Variants in ENOSF1 observed in about 807,000 individuals in gnomAD.
ENOSF1 encodes mitochondrial enolase superfamily member 1.
In ENOSF1, 73 loss-of-function variants were observed where a neutral mutation model predicts 68.2. The ratio of observed to expected loss-of-function variants is 1.07; its 90% CI spans 0.89 to 1.30. The LOEUF is 1.30. Ranked by LOEUF, ENOSF1 falls within the 50% of genes most tolerant of loss-of-function variation. The probability of loss-of-function intolerance (pLI) is 0.00; values close to 1 mark genes in which losing one functional copy is unlikely to be tolerated. For missense variants in ENOSF1, 589 were observed against 554.5 expected (o/e 1.06, Z -0.62); for synonymous variants, 223 against 210.4 (o/e 1.06, Z -0.52).
chr18:708,017 G>GACCC (rs2079117744), intron 1 of ENOSF1, among the ~76,000 whole-genome samples: 1 of 133,134 alleles, frequency 7.5e-6, no homozygotes, highest in African/African-American at 2.8e-5. Context: ...CCACCACTAT[G>GACCC]ACCAGCTTTT....
Position 684,860 on chromosome 18 carries a change from A to G in ENOSF1, c.741+1061T>C, listed in dbSNP as rs537761333. 3.5e-5 allele frequency among the ~76,000 whole-genome samples: 5 copies of G among 143,314 alleles called. No individual in the cohort carries two copies. The East Asian group carries it at 1.0e-3, about 29-fold the overall frequency. The allele number at this position is 143,314 out of a possible 152,430, so 94.0% of individuals were successfully genotyped here. The stretch of plus-strand genomic sequence containing the variant: ...AAAACCAGAGGACAGTATGCTCAGA[A>G]TGGATTTTTTTTTTTTAAGAGGCTG... On this transcript the variant is annotated intron_variant, in intron 10 of 15. Coordinates refer to ENST00000647584, the MANE Select transcript of ENOSF1 (RefSeq NM_017512.7).
At position 675,213 on chromosome 18, in the gene ENOSF1, GCAAA is replaced by G. The variant is rs764827941; in HGVS notation, c.1230+104_1230+107del. 13 of 838,646 alleles carry G rather than the reference GCAAA, an allele frequency of 1.6e-5. No individual in the cohort carries two copies. The East Asian group carries it at 3.2e-4, about 21-fold the overall frequency. 52.0% of individuals were successfully genotyped at this position (838,646 alleles called of 1,614,324 possible). ...GAAGAACCGTTTGTTAGTGGATATT[GCAAA>G]CAAACAGGAGTCAAAGCTTGGTGCT... On this transcript the variant is annotated intron_variant, in intron 15 of 15. Transcript: ENST00000647584.
Position 674,398 on chromosome 18 carries a change from G to A in ENOSF1, c.1239C>T (p.Gly413=). The A allele has an allele frequency of 6.2e-7, 1 of 1,606,970 alleles. No homozygotes were observed. Among genetic ancestry groups the A allele is most frequent in the Non-Finnish European group, 8.5e-7 (1 of 1,177,830 alleles). Residue 413 remains glycine (G), a synonymous_variant, in exon 16 of 16, where the codon GGC becomes GGT. Coordinates refer to ENST00000647584, the MANE Select transcript of ENOSF1 (RefSeq NM_017512.7). ...RASYMPPKDP[G]YSTEMKEESV... ...ATTCCTCCTTCATTTCTGTTGAGTA[G>A]CCGGGATCCTATCAAAGACCAAAAA...
At chr18:686,744 G>C (rs2076644156) in intron 9 of ENOSF1, 1 of 152,342 alleles carries the variant, frequency 6.6e-6, no homozygotes, top group Non-Finnish European at 1.5e-5. Context: ...ACCACGGGGA[G>C]GCCAGCATCT....
intron 1 of ENOSF1, among the ~76,000 whole-genome samples, chr18:708,029 T>C (rs949157280): frequency 7.9e-5 from 12 of 151,660 alleles, no homozygotes; most frequent in African/African-American, 2.7e-4. Context: ...CCAGCTTTTT[T>C]TTTTTTTTTT....
At chr18:688,456 G>T in intron 9 of ENOSF1, 118 bp downstream of exon 9, 11 of 1,351,398 alleles carry the variant, frequency 8.1e-6, no homozygotes, top group Non-Finnish European at 1.0e-5. Context: ...ATCCCTATGA[G>T]CCAGGGGGAT....
chr18:674,708 CAG>C (rs975942043), intron 15 of ENOSF1, among the ~76,000 whole-genome samples: 3 of 152,078 alleles, frequency 2.0e-5, no homozygotes, highest in African/African-American at 7.2e-5. Flanking sequence ...TTTGTAGAGA[CAG>C]GGTTTCACCA....
chr18:703,509 T>C (rs1360889129), intron 2 of ENOSF1, among the ~76,000 whole-genome samples: 1 of 151,926 alleles, frequency 6.6e-6, no homozygotes, highest in Non-Finnish European at 1.5e-5. Flanking sequence ...ACAATTAGAG[T>C]TGCAGAAGAA....
Position 712,581 on chromosome 18 carries a change from G to A in ENOSF1, c.7C>T (p.Arg3Cys), listed in dbSNP as rs374299384. The A allele has an allele frequency of 9.4e-6, 14 of 1,483,206 alleles. No homozygotes were observed. The highest frequency in any genetic ancestry group is 1.2e-5 in the Non-Finnish European group (13 of 1,115,482). The allele number at this position is 1,483,206 out of a possible 1,614,324, so 91.9% of individuals were successfully genotyped here. MV[R>C]GRISRLSVRD... is the part of the protein sequence containing the mutation. ...ACCGAGAGCCGGGAGATCCTGCCGCGCACCATGGCCCCTGCGCCCCGTGGC... is the reference window on the plus strand; with the variant it reads ...ACCGAGAGCCGGGAGATCCTGCCGCACACCATGGCCCCTGCGCCCCGTGGC... Residue 3 changes from arginine (R) to cysteine (C), a missense_variant, in exon 1 of 16, where the codon CGC becomes TGC. Physicochemically the swap from Arg to Cys is radical, Grantham distance 180. Transcript: ENST00000647584.
chr18:668,967 A>AG (rs928270168), downstream of ENOSF1: 11 of 926,170 alleles, frequency 1.2e-5, no homozygotes, highest in African/African-American at 3.3e-5. Flanking sequence ...CCATGGGTCA[A>AG]GGGGGGACCC....
chr18:707,789 G>A (rs965147941), intron 1 of ENOSF1: 7 of 152,136 alleles, frequency 4.6e-5, no homozygotes, highest in African/African-American at 7.2e-5. Context: ...TTATTAAAGA[G>A]GAAATGAAGT....
chr18:710,842 G>A (rs916032555), intron 1 of ENOSF1, among the ~76,000 whole-genome samples: 1 of 152,234 alleles, frequency 6.6e-6, no homozygotes, highest in African/African-American at 2.4e-5. Context: ...AAAGGCAGTT[G>A]CATGAGATCG....
At chr18:667,535 T>A (rs372624945), downstream of ENOSF1, among the ~76,000 whole-genome samples, 2 of 72,046 alleles carry the variant, frequency 2.8e-5, no homozygotes, top group East Asian at 7.2e-4. Context: ...ATGGAGATGG[T>A]GATGGTGATG....
rs2075224865 is a variant in ENOSF1 at position 674,118 on chromosome 18, G to A, written c.*187C>T. The A allele has an allele frequency of 1.9e-6, 1 of 534,764 alleles. No individual in the cohort carries two copies. Among genetic ancestry groups the A allele is most frequent in the Admixed American group, 3.5e-5 (1 of 28,904 alleles). 33.1% of individuals were successfully genotyped at this position (534,764 alleles called of 1,614,324 possible). Reference sequence around the variant, plus strand: ...CTAAACTTATTTAAGGATTAAGTAGGATAACGTGCATTGATTTGCTAAAAG... The same window carrying A: ...CTAAACTTATTTAAGGATTAAGTAGAATAACGTGCATTGATTTGCTAAAAG... On this transcript the variant is annotated 3_prime_UTR_variant, in exon 16 of 16. Transcript: ENST00000647584.
Position 691,213 on chromosome 18 carries a change from C to T in ENOSF1, c.487G>A (p.Asp163Asn), listed in dbSNP as rs762326635. The change falls in exon 6 of 16, where the codon GAT (aspartate) becomes AAT (asparagine). Residue 163 changes from aspartate (D) to asparagine (N), a missense_variant. Asp to Asn is a conservative substitution (Grantham distance 23). Transcript: ENST00000647584. ...AAGCTTCCAAACTCACCTAGGGCAT[C>T]CTCCTCAGTCAGGACATCAGTGATG... ...RYITDVLTEE[D>N]ALEILQKGQI... is the part of the protein sequence containing the mutation. 10 of 1,614,052 alleles carry T rather than the reference C, an allele frequency of 6.2e-6. No individual in the cohort carries two copies. In the African/African-American group the frequency reaches 8.0e-5, roughly 13 times the overall value.
chr18:691,173 G>T, intron 6 of ENOSF1, 31 bp downstream of exon 6: 1 of 1,613,298 alleles, frequency 6.2e-7, no homozygotes, highest in Non-Finnish European at 8.5e-7. Context: ...GTGTGTGCAC[G>T]TCGTGTATCC....
At chr18:694,603 G>A (rs1238664170) in intron 3 of ENOSF1, among the ~76,000 whole-genome samples, 2 of 151,084 alleles carry the variant, frequency 1.3e-5, no homozygotes, top group African/African-American at 2.4e-5. Context: ...ACTCCAGCCT[G>A]GGCAACAGAG....
chr18:677,730 G>T lies in ENOSF1; in HGVS notation c.1048+13C>A, dbSNP rs2075658116. ...AATGAAGGTCTGGTCTGCAGCCGCT[G>T]CAGCACGCTTACTTTCAAACTTTTT... On this transcript the variant is annotated intron_variant, in intron 13 of 15. Coordinates refer to ENST00000647584, the MANE Select transcript of ENOSF1 (RefSeq NM_017512.7). The T allele has an allele frequency of 6.2e-7, 1 of 1,610,122 alleles. No individual in the cohort carries two copies. Among genetic ancestry groups the T allele is most frequent in the African/African-American group, 1.3e-5 (1 of 74,770 alleles).
At position 673,709 on chromosome 18, in the gene ENOSF1, A is replaced by ATT; in HGVS notation, c.*595_*596insAA. 2 of 125,926 alleles carry ATT rather than the reference A, an allele frequency of 1.6e-5. No homozygotes were observed. The highest frequency in any genetic ancestry group is 3.1e-5 in the Non-Finnish European group (2 of 63,982). The allele number at this position is 125,926 out of a possible 1,614,324, so 7.8% of individuals were successfully genotyped here. On this transcript the variant is annotated 3_prime_UTR_variant, in exon 16 of 16. Coordinates refer to ENST00000647584, the MANE Select transcript of ENOSF1 (RefSeq NM_017512.7). ...AAAATATAATGACCATTTAGGATAG[A>ATT]GTTTTTTTTTTTTTTTTTTAAACTT...
Sources: allele counts gnomAD v4.1 joint callset (sites outside exome capture counted in the v4.1 genomes callset), GRCh38; gene constraint gnomAD v4.1.1; transcripts MANE v1.5; gene names NCBI Gene and HGNC (gene_info 2026-07-23, HGNC 2026-07-21).